The following XKR7 variants were observed in gnomAD, a reference collection of about 807,000 sequenced individuals.
XKR7 encodes XK-related protein 7.
XKR7 carries 11 observed loss-of-function variants against 42.2 expected under a neutral mutation model. That is an observed-to-expected ratio of 0.26 (90% CI 0.16 to 0.43). XKR7 has a LOEUF of 0.43. Among genes scored for constraint, XKR7 ranks in the 20% least tolerant of loss-of-function variants. The pLI, the probability that XKR7 is intolerant of heterozygous loss-of-function variation, is 1.00. For missense variants in XKR7, 710 were observed against 802.2 expected, an observed-to-expected ratio of 0.89 and a Z score of 1.39; for synonymous variants, 346 against 366.4, an observed-to-expected ratio of 0.94 and a Z score of 0.64.
chr20:31,992,116 T>TCAAAA (rs60216803), intron 1 of XKR7, among the ~76,000 whole-genome samples: 57 of 152,062 alleles, frequency 3.7e-4, no homozygotes, highest in African/African-American at 7.5e-4. Flanking sequence ...AAACTCTGTC[T>TCAAAA]CAAAACAAAA....
chr20:31,996,643 G>A lies in XKR7; in HGVS notation c.926G>A (p.Ser309Asn), dbSNP rs374594611. The change falls in exon 3 of 3, where the codon AGC becomes AAC. Residue 309 changes from serine to asparagine, a missense_variant. Ser to Asn is a conservative substitution (Grantham distance 46, BLOSUM62 1). Transcript: ENST00000562532. ...AVAQVLWHLF[S>N]IAARGLAFAL... Reference sequence around the variant, plus strand: ...GCACAGGTGCTGTGGCACCTGTTCAGCATTGCCGCCCGCGGCCTGGCCTTC... The same window carrying A: ...GCACAGGTGCTGTGGCACCTGTTCAACATTGCCGCCCGCGGCCTGGCCTTC... 5.0e-6 allele frequency: 8 copies of A among 1,593,806 alleles called. No individual in the cohort carries two copies. In the African/African-American group the frequency reaches 1.1e-4, roughly 21 times the overall value.
intron 1 of XKR7, among the ~76,000 whole-genome samples, chr20:31,988,319 A>C (rs2064552461): frequency 6.6e-6 from 1 of 152,098 alleles, no homozygotes; most frequent in African/African-American, 2.4e-5. Context: ...GACACTGGAA[A>C]TTTCCCGTGA....
intron 1 of XKR7, among the ~76,000 whole-genome samples, chr20:31,973,012 A>G (rs1361438074): frequency 6.6e-6 from 1 of 152,232 alleles, no homozygotes; most frequent in Non-Finnish European, 1.5e-5. Context: ...TGTGACCTTG[A>G]CAAGGCAAAT....
chr20:31,971,826 T>C (rs1224133502), intron 1 of XKR7, among the ~76,000 whole-genome samples: 1 of 152,084 alleles, frequency 6.6e-6, no homozygotes, highest in Admixed American at 6.5e-5. Flanking sequence ...ACAAGGGGTG[T>C]CAGACAAGAG....
Position 32,002,272 on chromosome 20 carries a change from TA to T in XKR7, c.*4816del, listed in dbSNP as rs1426026427. 14 of 152,266 alleles carry T rather than the reference TA, an allele frequency of 9.2e-5. 2 individuals carry two copies. The highest frequency in any genetic ancestry group is 3.4e-4 in the African/African-American group (14 of 41,514). 9.4% of individuals were successfully genotyped at this position (152,266 alleles called of 1,614,324 possible). The stretch of plus-strand genomic sequence containing the variant: ...CCCTCTCCTCAGCAACCCTGGCCTT[TA>T]TTCTATGCATAACCACTGCAAGGGC... On this transcript the variant is annotated 3_prime_UTR_variant, in exon 3 of 3. Coordinates refer to ENST00000562532, the MANE Select transcript of XKR7 (RefSeq NM_001011718.2).
chr20:31,995,013 G>C lies in XKR7; in HGVS notation c.585-55G>C, dbSNP rs1197721614. The C allele has an allele frequency of 1.3e-6, 2 of 1,535,098 alleles. No homozygotes were observed. The highest frequency in any genetic ancestry group is 1.7e-6 in the Non-Finnish European group (2 of 1,144,578). ...CCTGTGGGCGGCTCGGGGCTGGTGC[G>C]ACAGAGCGAGAGGAACCAGCGCGCG... On this transcript the variant is annotated intron_variant, in intron 1 of 2. Coordinates refer to ENST00000562532, the MANE Select transcript of XKR7 (RefSeq NM_001011718.2). The surrounding 1 kb of genome is among the most constrained non-coding windows in gnomAD (Gnocchi z 4.1).
At chr20:31,989,049 T>C (rs746791958) in intron 1 of XKR7, among the ~76,000 whole-genome samples, 1 of 151,714 alleles carries the variant, frequency 6.6e-6, no homozygotes, top group Non-Finnish European at 1.5e-5. Context: ...AGTGGGAGAA[T>C]GGAAAATAAA....
chr20:32,002,767 A>C lies in XKR7; in HGVS notation c.*5310A>C, dbSNP rs2122292063. 6.6e-6 allele frequency: 1 copy of C among 152,332 alleles called. No individual in the cohort carries two copies. The highest frequency in any genetic ancestry group is 1.9e-4 in the East Asian group (1 of 5,186). 9.4% of individuals were successfully genotyped at this position (152,332 alleles called of 1,614,324 possible). ...ACTTCTAGGGCTTGAAGGTGGGGGA[A>C]TATATGTATTTTATTGAGTTGCTTA... is the stretch of plus-strand genomic sequence containing the variant. On this transcript the variant is annotated 3_prime_UTR_variant, in exon 3 of 3. Coordinates refer to ENST00000562532, the MANE Select transcript of XKR7 (RefSeq NM_001011718.2).
At chr20:31,976,370 A>G (rs981303453) in intron 1 of XKR7, among the ~76,000 whole-genome samples, 4 of 152,176 alleles carry the variant, frequency 2.6e-5, no homozygotes, top group Non-Finnish European at 5.9e-5. Context: ...AAAAAATATC[A>G]GAAAAGTATT....
Position 32,001,358 on chromosome 20 carries a change from T to G in XKR7, c.*3901T>G, listed in dbSNP as rs1219864437. The G allele has an allele frequency of 1.3e-5, 2 of 152,180 alleles. No individual in the cohort carries two copies. The highest frequency in any genetic ancestry group is 4.2e-4 in the South Asian group (2 of 4,816). The allele number at this position is 152,180 out of a possible 1,614,324, so 9.4% of individuals were successfully genotyped here. A position where few individuals can be genotyped will look rare whatever the true frequency, so the allele number is the denominator to read the frequency against. On this transcript the variant is annotated 3_prime_UTR_variant, in exon 3 of 3. Transcript: ENST00000562532. ...CCTGTAGGTACTAAAATTCAAATGTTTGGGAAACTGCTGGCCACTCATATT... is the reference window on the plus strand; with the variant it reads ...CCTGTAGGTACTAAAATTCAAATGTGTGGGAAACTGCTGGCCACTCATATT...
Position 31,995,426 on chromosome 20 carries a change from C to A in XKR7, c.787+156C>A, listed in dbSNP as rs1193299545. On this transcript the variant is annotated intron_variant, in intron 2 of 2. Transcript: ENST00000562532. The surrounding 1 kb of genome is among the most constrained non-coding windows in gnomAD (Gnocchi z 4.1). Reference sequence around the variant, plus strand: ...AGGCCTGCCCCTTCTACCCTCACCACCCTCCAGGCCTCTCGAGACCCCCGC... The same window carrying A: ...AGGCCTGCCCCTTCTACCCTCACCAACCTCCAGGCCTCTCGAGACCCCCGC... Among the ~76,000 whole-genome samples the A allele has an allele frequency of 6.6e-6, 1 of 152,032 alleles. No individual in the cohort carries two copies. The highest frequency in any genetic ancestry group is 1.5e-5 in the Non-Finnish European group (1 of 67,978).
chr20:31,995,004 G>A lies in XKR7; in HGVS notation c.585-64G>A, dbSNP rs1329522161. 4 of 1,532,490 alleles carry A rather than the reference G, an allele frequency of 2.6e-6. No homozygotes were observed. In the African/African-American group the frequency reaches 5.6e-5, roughly 21 times the overall value. 94.9% of individuals were successfully genotyped at this position (1,532,490 alleles called of 1,614,324 possible). A position where few individuals can be genotyped will look rare whatever the true frequency, so the allele number is the denominator to read the frequency against. ...CCCCCTGCGCCTGTGGGCGGCTCGG[G>A]GCTGGTGCGACAGAGCGAGAGGAAC... On this transcript the variant is annotated intron_variant, in intron 1 of 2. Coordinates refer to ENST00000562532, the MANE Select transcript of XKR7 (RefSeq NM_001011718.2). The surrounding 1 kb of genome is among the most constrained non-coding windows in gnomAD (Gnocchi z 4.1).
At position 31,968,584 on chromosome 20, in the gene XKR7, G is replaced by A. The variant is rs746884930; in HGVS notation, c.409G>A (p.Ala137Thr). The stretch of plus-strand genomic sequence containing the variant: ...CACCAAGGACAGCGTAGCCGGCGGA[G>A]CCGCCATCAGCACCAAGGACAGCGC... ...VSTKDSVAGG[A>T]AISTKDSAGA... is the part of the protein sequence containing the mutation. Residue 137 changes from alanine to threonine, a missense_variant, in exon 1 of 3, where the codon GCC becomes ACC. Physicochemically the swap from Ala to Thr is moderately conservative, Grantham distance 58. This residue lies in a region of XKR7 where 708 missense variants were observed against 786.2 expected (regional missense o/e 0.90). Coordinates refer to ENST00000562532, the MANE Select transcript of XKR7 (RefSeq NM_001011718.2). This position sits in a 1 kb window ranked among gnomAD's most constrained non-coding sequence, Gnocchi z 4.5. The A allele has an allele frequency of 6.2e-6, 10 of 1,608,990 alleles. No individual in the cohort carries two copies. In the Admixed American group the frequency reaches 1.7e-4, roughly 27 times the overall value.
Position 31,968,359 on chromosome 20 carries a change from T to G in XKR7, c.184T>G (p.Cys62Gly). ...YELRDCCWVL[C>G]ALLVFFSDGA... ...GCTGCGGGACTGCTGCTGGGTGCTG[T>G]GCGCGCTGCTCGTGTTCTTCTCCGA... The change falls in exon 1 of 3, where the codon TGC becomes GGC. Residue 62 changes from cysteine (C) to glycine (G), a missense_variant. By Grantham distance (159) the Cys-to-Gly change is radical. Around this residue, in one of 2 missense-constraint regions of XKR7, gnomAD observed 708 missense variants for 786.2 expected, o/e 0.90. Transcript: ENST00000562532. This position sits in a 1 kb window ranked among gnomAD's most constrained non-coding sequence, Gnocchi z 4.5. The G allele has an allele frequency of 6.2e-7, 1 of 1,609,532 alleles. No homozygotes were observed. Among genetic ancestry groups the G allele is most frequent in the Non-Finnish European group, 8.5e-7 (1 of 1,179,186 alleles).
At chr20:31,989,527 G>A (rs1248717607) in intron 1 of XKR7, among the ~76,000 whole-genome samples, 1 of 78,926 alleles carries the variant, frequency 1.3e-5, no homozygotes, top group Non-Finnish European at 2.4e-5. Context: ...GTGGATGCGG[G>A]CAGCCACACA....
intron 1 of XKR7, among the ~76,000 whole-genome samples, chr20:31,972,702 C>G (rs1462367288): frequency 1.3e-5 from 2 of 152,164 alleles, no homozygotes; most frequent in Non-Finnish European, 2.9e-5. Context: ...GGATTCCTGC[C>G]AGGCTTTCGG....
intron 1 of XKR7, among the ~76,000 whole-genome samples, chr20:31,981,201 C>T (rs1005992454): frequency 1.6e-5 from 2 of 122,224 alleles, no homozygotes; most frequent in Non-Finnish European, 3.6e-5. Flanking sequence ...CCTGTCTCTA[C>T]AAAAAAAAAA....
rs986784867 is a variant in XKR7, at chr20:31,999,701, C to T, written c.*2244C>T. 1.3e-5 allele frequency: 2 copies of T among 152,106 alleles called. No individual in the cohort carries two copies. Among genetic ancestry groups the T allele is most frequent in the African/African-American group, 2.4e-5 (1 of 41,414 alleles). The allele number at this position is 152,106 out of a possible 1,614,324, so 9.4% of individuals were successfully genotyped here. ...TGTGCCAGGAATTTTCACCCCATGT[C>T]GTTTCACTTACACTCTCCTCTGGTC... On this transcript the variant is annotated 3_prime_UTR_variant, in exon 3 of 3. Transcript: ENST00000562532.
At position 31,999,629 on chromosome 20, in the gene XKR7, G is replaced by A. The variant is rs2122288512; in HGVS notation, c.*2172G>A. Reference sequence around the variant, plus strand: ...GCCGTTGTGAGATGGGAGCTCTGAAGATGCGGACCCAGACCCAGAAACAGA... The same window carrying A: ...GCCGTTGTGAGATGGGAGCTCTGAAAATGCGGACCCAGACCCAGAAACAGA... On this transcript the variant is annotated 3_prime_UTR_variant, in exon 3 of 3. Coordinates refer to ENST00000562532, the MANE Select transcript of XKR7 (RefSeq NM_001011718.2). 6.6e-6 allele frequency: 1 copy of A among 152,312 alleles called. No homozygotes were observed. The highest frequency in any genetic ancestry group is 6.5e-5 in the Admixed American group (1 of 15,296). 9.4% of individuals were successfully genotyped at this position (152,312 alleles called of 1,614,324 possible). A position where few individuals can be genotyped will look rare whatever the true frequency, so the allele number is the denominator to read the frequency against.
Sources: gnomAD v4.1 joint callset for allele counts (sites outside exome capture counted in the v4.1 genomes callset) on GRCh38, gnomAD v4.1.1 for gene constraint, gnomAD v4.1.1 regional missense constraint, Gnocchi (gnomAD v3.1) non-coding constraint, MANE v1.5 for transcripts, NCBI Gene and HGNC (gene_info 2026-07-23, HGNC 2026-07-21) for gene names.